DRAP1: variants seen among roughly 807,000 people sequenced by gnomAD.
The protein encoded by DRAP1 is dr1-associated corepressor.
A neutral mutation model predicts 24.1 loss-of-function variants in DRAP1; 10 were observed. That is an observed-to-expected ratio of 0.41 (90% CI 0.26 to 0.70). DRAP1 has a LOEUF of 0.70. Among genes scored for constraint, DRAP1 ranks in the 30% least tolerant of loss-of-function variants. DRAP1 has a pLI of 0.29. For missense variants in DRAP1, 264 were observed against 275.6 expected (o/e 0.96, Z 0.30); for synonymous variants, 122 against 113.8 (o/e 1.07, Z -0.46).
At chr11:65,920,993 G>T in intron 6 of DRAP1, 21 bp downstream of exon 6, 1 of 1,578,572 alleles carries the variant, frequency 6.3e-7, no homozygotes, top group Non-Finnish European at 8.6e-7. Context: ...CAGAGGCATG[G>T]GAGGGTGCTG....
chr11:65,920,009 G>T lies in DRAP1; in HGVS notation c.177G>T (p.Ser59=). Residue 59 remains serine, a synonymous_variant, in exon 3 of 7, where the codon TCG becomes TCT. Transcript: ENST00000312515. ...AGAAGGCCTGCCAGGTGACCCAGTCGCGGAACGCGAAGACCATGACCACAT... is the reference window on the plus strand; with the variant it reads ...AGAAGGCCTGCCAGGTGACCCAGTCTCGGAACGCGAAGACCATGACCACAT... ...LLKKACQVTQ[S]RNAKTMTTSH... The T allele has an allele frequency of 6.2e-7, 1 of 1,613,714 alleles. No homozygotes were observed. The highest frequency in any genetic ancestry group is 1.1e-5 in the South Asian group (1 of 91,086).
chr11:65,920,594 C>G lies in DRAP1; in HGVS notation c.355C>G (p.Arg119Gly), dbSNP rs969878412. ...GGGCCGGAAGCCAGGCAGCGGCGGCCGGAAGAACGGTGGGATGGGAACGAA... is the reference window on the plus strand; with the variant it reads ...GGGCCGGAAGCCAGGCAGCGGCGGCGGGAAGAACGGTGGGATGGGAACGAA... ...RRGRKPGSGG[R>G]KNGGMGTKSK... The change falls in exon 5 of 7, where the codon CGG (arginine) becomes GGG (glycine). Residue 119 changes from arginine (R) to glycine (G), a missense_variant. Arg to Gly is a moderately radical substitution (Grantham distance 125). Transcript: ENST00000312515. 4 of 1,576,698 alleles carry G rather than the reference C, an allele frequency of 2.5e-6. No individual in the cohort carries two copies. Among genetic ancestry groups the G allele is most frequent in the Non-Finnish European group, 3.4e-6 (4 of 1,161,394 alleles).
Position 65,920,604 on chromosome 11 carries a change from G to A in DRAP1, c.365G>A (p.Gly122Asp). Residue 122 changes from glycine (G) to aspartate (D), a missense_variant, in exon 5 of 7, where the codon GGT becomes GAT. Physicochemically the swap from Gly to Asp is moderately conservative, Grantham distance 94 (BLOSUM62 -1). Around this residue, in one of 2 missense-constraint regions of DRAP1, gnomAD observed 243 missense variants for 233.6 expected, o/e 1.04. Coordinates refer to ENST00000312515, the MANE Select transcript of DRAP1 (RefSeq NM_006442.4). Reference protein sequence around the residue: ...RKPGSGGRKNGGMGTKSKDKK... With the variant: ...RKPGSGGRKNDGMGTKSKDKK... ...CCAGGCAGCGGCGGCCGGAAGAACG[G>A]TGGGATGGGAACGAAAAGCAAGGAC... 1 of 1,566,194 alleles carries A rather than the reference G, an allele frequency of 6.4e-7. No homozygotes were observed. The highest frequency in any genetic ancestry group is 1.2e-5 in the South Asian group (1 of 85,362).
chr11:65,920,746 T>C, intron 5 of DRAP1, 84 bp downstream of exon 5: 3 of 1,449,536 alleles, frequency 2.1e-6, no homozygotes, highest in Non-Finnish European at 2.8e-6. Flanking sequence ...GGAGGCCAGC[T>C]CTCATCCTTT....
In DRAP1 at chr11:65,919,721, C is replaced by T; in HGVS notation, c.43-59C>T. 4.4e-6 allele frequency: 7 copies of T among 1,606,556 alleles called. No individual in the cohort carries two copies. In the South Asian group the frequency reaches 5.5e-5, roughly 13 times the overall value. On this transcript the variant is annotated intron_variant, in intron 1 of 6. Transcript: ENST00000312515. ...TTCTCCGGGGATGCCCCTTCCTCCC[C>T]CAGCACCCCCTTAGGGGACGGTGGC...
Position 65,920,399 on chromosome 11 carries a change from C to G in DRAP1, c.266C>G (p.Ser89Cys). The change falls in exon 4 of 7, where the codon TCT (serine) becomes TGT (cysteine). Residue 89 changes from serine (S) to cysteine (C), a missense_variant. Physicochemically the swap from Ser to Cys is moderately radical, Grantham distance 112. This residue lies in a region of DRAP1 where 243 missense variants were observed against 233.6 expected (regional missense o/e 1.04). Transcript: ENST00000312515. Reference protein sequence around the residue: ...QFDFLKDLVASVPDMQGDGED... With the variant: ...QFDFLKDLVACVPDMQGDGED... ...GACTTCTTGAAGGACCTGGTGGCAT[C>G]TGTTCCCGACATGCAGGGGGACGGG... is the stretch of plus-strand genomic sequence containing the variant. The G allele has an allele frequency of 6.2e-7, 1 of 1,614,164 alleles. No individual in the cohort carries two copies. The highest frequency in any genetic ancestry group is 8.5e-7 in the Non-Finnish European group (1 of 1,180,042).
At chr11:65,920,306 C>T (rs755494207) in intron 3 of DRAP1, 37 bp from the exon 4 acceptor site, 11 of 1,612,666 alleles carry the variant, frequency 6.8e-6, no homozygotes, top group Non-Finnish European at 7.6e-6. Context: ...GGTGTCTGGG[C>T]CCCTCTTGAG....
chr11:65,920,973 G>T lies in DRAP1; in HGVS notation c.512+1G>T, dbSNP rs113098167. On this transcript the variant is annotated splice_donor_variant, in intron 6 of 6. Transcript: ENST00000312515. LOFTEE classifies it high-confidence loss of function. ...GCCACCCCTCTGCCCACTTTCAGAGGTGAGCAGCCCAGAGGCATGGGAGGG... is the reference window on the plus strand; with the variant it reads ...GCCACCCCTCTGCCCACTTTCAGAGTTGAGCAGCCCAGAGGCATGGGAGGG... The T allele has an allele frequency of 6.2e-7, 1 of 1,607,060 alleles. No homozygotes were observed. Among genetic ancestry groups the T allele is most frequent in the Admixed American group, 1.7e-5 (1 of 58,946 alleles).
At chr11:65,921,117 G>C (rs1854545286) in intron 6 of DRAP1, 145 bp downstream of exon 6, 3 of 717,958 alleles carry the variant, frequency 4.2e-6, no homozygotes, top group Non-Finnish European at 6.8e-6. Context: ...TTGAAGGCAG[G>C]AGACTGTTCT....
At chr11:65,919,607 C>G in intron 1 of DRAP1, 64 bp downstream of exon 1, 2 of 1,544,462 alleles carry the variant, frequency 1.3e-6, no homozygotes, top group Non-Finnish European at 1.7e-6. Flanking sequence ...GCCCAGTTCC[C>G]GCTGGGCAGG....
chr11:65,920,732 G>C, intron 5 of DRAP1, 70 bp downstream of exon 5: 1 of 1,451,890 alleles, frequency 6.9e-7, no homozygotes, highest in Non-Finnish European at 9.2e-7. Context: ...AGGCTGAACT[G>C]GCAGGAGGCC....
Position 65,919,556 on chromosome 11 carries a change from C to A in DRAP1, c.42+13C>A. ...GCGGTTCCCGCCGGTGAGCACGTGG[C>A]AGAGCCCGGCAGGAGTGGGCCCGGC... On this transcript the variant is annotated intron_variant, in intron 1 of 6. Coordinates refer to ENST00000312515, the MANE Select transcript of DRAP1 (RefSeq NM_006442.4). 6.5e-7 allele frequency: 1 copy of A among 1,548,234 alleles called. No individual in the cohort carries two copies. Among genetic ancestry groups the A allele is most frequent in the East Asian group, 2.5e-5 (1 of 40,672 alleles).
At chr11:65,920,993 G>A (rs1854544085) in intron 6 of DRAP1, 21 bp downstream of exon 6, 1 of 1,578,576 alleles carries the variant, frequency 6.3e-7, no homozygotes, top group Non-Finnish European at 8.6e-7. Flanking sequence ...CAGAGGCATG[G>A]GAGGGTGCTG....
chr11:65,921,032 C>T, intron 6 of DRAP1, 60 bp downstream of exon 6: 1 of 1,299,762 alleles, frequency 7.7e-7, no homozygotes, highest in Non-Finnish European at 1.1e-6. Context: ...ACTTACCCCT[C>T]TTGTTCTCCC....
At chr11:65,920,801 T>C in intron 5 of DRAP1, 83 bp from the exon 6 acceptor site, 1 of 1,491,072 alleles carries the variant, frequency 6.7e-7, no homozygotes, top group Non-Finnish European at 9.1e-7. Context: ...ATTGGGGCTA[T>C]GAGGGTCTAC....
chr11:65,921,523 A>T lies in DRAP1; in HGVS notation c.*88A>T. The T allele has an allele frequency of 1.7e-6, 1 of 595,696 alleles. No homozygotes were observed. The highest frequency in any genetic ancestry group is 2.8e-5 in the South Asian group (1 of 35,090). The allele number at this position is 595,696 out of a possible 1,614,324, so 36.9% of individuals were successfully genotyped here. A position where few individuals can be genotyped will look rare whatever the true frequency, so the allele number is the denominator to read the frequency against. On this transcript the variant is annotated 3_prime_UTR_variant, in exon 7 of 7. Coordinates refer to ENST00000312515, the MANE Select transcript of DRAP1 (RefSeq NM_006442.4). ...AGAAGGTAGAGCTGTTCTTAAATTT[A>T]TTAAAAAAAAAAATAAAAGGGAATC...
Position 65,921,333 on chromosome 11 carries a change from C to T in DRAP1, c.516C>T (p.Pro172=), listed in dbSNP as rs1373147376. The stretch of plus-strand genomic sequence containing the variant: ...TCTCCTGCCTTCTGCCCTGCAGCCC[C>T]CCGACACCCTTCCTGCCCTTCGCCT... The part of the protein sequence containing the change: ...ASHPSAHFQS[P]PTPFLPFAST... Residue 172 remains proline (P), a synonymous_variant, in exon 7 of 7, where the codon CCC becomes CCT. Transcript: ENST00000312515. 3 of 1,594,118 alleles carry T rather than the reference C, an allele frequency of 1.9e-6. No individual in the cohort carries two copies. The highest frequency in any genetic ancestry group is 4.5e-5 in the East Asian group (2 of 44,734).
In DRAP1 at chr11:65,919,774, C is replaced by T; in HGVS notation, c.43-6C>T. ...CGGGGTCTGAACTCTGCTCCCCCAC[C>T]CGCAGGCGCGGATCAAGAAGATCAT... is the stretch of plus-strand genomic sequence containing the variant. On this transcript the variant is annotated splice_region_variant and splice_polypyrimidine_tract_variant and intron_variant, in intron 1 of 6. Coordinates refer to ENST00000312515, the MANE Select transcript of DRAP1 (RefSeq NM_006442.4). The T allele has an allele frequency of 1.9e-6, 3 of 1,613,060 alleles. No individual in the cohort carries two copies. Among genetic ancestry groups the T allele is most frequent in the Non-Finnish European group, 2.5e-6 (3 of 1,179,948 alleles).
chr11:65,920,164 C>T (rs1854530205), intron 3 of DRAP1, 123 bp downstream of exon 3: 1 of 1,426,760 alleles, frequency 7.0e-7, no homozygotes, highest in African/African-American at 1.4e-5. Flanking sequence ...AGGCCACAGA[C>T]TGGCAGAGGA....
Sources: allele counts gnomAD v4.1 joint callset, GRCh38; gene constraint gnomAD v4.1.1; regional missense constraint gnomAD v4.1.1; transcripts MANE v1.5; gene names NCBI Gene and HGNC (gene_info 2026-07-23, HGNC 2026-07-21).